The following RSAD2 variants were observed in gnomAD, a reference collection of about 807,000 sequenced individuals.
The protein encoded by RSAD2 is S-adenosylmethionine-dependent nucleotide dehydratase RSAD2.
RSAD2 carries 38 observed loss-of-function variants against 37.7 expected under a neutral mutation model. The ratio of observed to expected loss-of-function variants is 1.01; its 90% CI spans 0.78 to 1.32. The LOEUF is 1.32. Ranked by LOEUF, RSAD2 falls within the 40% of genes most tolerant of loss-of-function variation. RSAD2 has a pLI of 0.00. For synonymous variants in RSAD2, 163 were observed against 157.4 expected, an observed-to-expected ratio of 1.04 and a Z score of -0.27; for missense variants, 428 against 437.5, an observed-to-expected ratio of 0.98 and a Z score of 0.19.
intron 1 of RSAD2, among the ~76,000 whole-genome samples, chr2:6,869,604 T>C (rs1663169192): frequency 6.6e-6 from 1 of 152,124 alleles, no homozygotes; most frequent in African/African-American, 2.4e-5. Context: ...TTTCTACAAA[T>C]TAATGATAAA....
chr2:6,877,096 C>A (rs1250241303), upstream of RSAD2: 1 of 152,218 alleles, frequency 6.6e-6, no homozygotes, highest in Non-Finnish European at 1.5e-5. Flanking sequence ...CAGTAATTCT[C>A]ACCAATTAGG....
intron 1 of RSAD2, among the ~76,000 whole-genome samples, chr2:6,869,035 G>C (rs1340743959): frequency 1.3e-5 from 2 of 152,160 alleles, no homozygotes; most frequent in African/African-American, 2.4e-5. Context: ...CTGGGCACAT[G>C]GCAGGATGTG....
intron 1 of RSAD2, chr2:6,879,005 C>T (rs547425412): frequency 3.8e-5 from 18 of 479,894 alleles, no homozygotes; most frequent in Middle Eastern, 3.2e-4. Context: ...GCATCACCAG[C>T]GCCAGAAGTG....
chr2:6,877,178 A>C (rs1241714565), upstream of RSAD2: 1 of 152,244 alleles, frequency 6.6e-6, no homozygotes, highest in African/African-American at 2.4e-5. Flanking sequence ...AAATATAGGA[A>C]GATGTAAATA....
rs543158420 is a variant in RSAD2 at position 6,870,496 on chromosome 2, C to A, written c.142+4451C>A. On this transcript the variant is annotated intron_variant, in intron 1 of 5. Coordinates refer to the RSAD2 transcript ENST00000442639. ...TCTGGTAAGTCTTCCCGAATTCATA[C>A]CTTCCATGCTTTGGATGAGGTCTCA... 3.9e-5 allele frequency among the ~76,000 whole-genome samples: 6 copies of A among 152,332 alleles called. No individual in the cohort carries two copies. In the South Asian group the frequency reaches 1.2e-3, roughly 32 times the overall value.
chr2:6,880,149 A>G (rs1422345477), intron 1 of RSAD2, among the ~76,000 whole-genome samples: 3 of 152,332 alleles, frequency 2.0e-5, no homozygotes, highest in South Asian at 2.1e-4. Flanking sequence ...ATGATAGTGT[A>G]GGTTGTATTT....
At chr2:6,895,079 C>T (rs553429819) in intron 5 of RSAD2, among the ~76,000 whole-genome samples, 8 of 152,160 alleles carry the variant, frequency 5.3e-5, no homozygotes, top group African/African-American at 1.4e-4. Flanking sequence ...CAGTGTAGGT[C>T]GTAAGGAGTG....
intron 3 of RSAD2, among the ~76,000 whole-genome samples, chr2:6,888,986 C>A (rs1023062966): frequency 4.6e-5 from 7 of 152,224 alleles, no homozygotes; most frequent in Non-Finnish European, 1.0e-4. Flanking sequence ...GCTCCAGCAG[C>A]ATGGGAGGAG....
chr2:6,890,495 C>T (rs1232079172), intron 4 of RSAD2, among the ~76,000 whole-genome samples, 170 bp downstream of exon 4: 1 of 152,158 alleles, frequency 6.6e-6, no homozygotes, highest in Non-Finnish European at 1.5e-5. Flanking sequence ...GCCATTGACT[C>T]TGCCACCTCC....
chr2:6,865,898 C>A (rs1284450780), exon 1 of RSAD2: 4 of 1,411,604 alleles, frequency 2.8e-6, no homozygotes, highest in Non-Finnish European at 3.7e-6. Context: ...TCCTCCTCGC[C>A]GCGAGATGTG....
rs1485149313 is a variant in RSAD2, at chr2:6,893,658, T to G, written c.889-13T>G. ...CACCTGAAACTAAATTTGTATTAAC[T>G]TCTCCTTTGCAGATGAAAGACTCCT... On this transcript the variant is annotated splice_polypyrimidine_tract_variant and intron_variant, in intron 4 of 5. Transcript: ENST00000382040. 1 of 1,604,032 alleles carries G rather than the reference T, an allele frequency of 6.2e-7. No homozygotes were observed. Among genetic ancestry groups the G allele is most frequent in the African/African-American group, 1.3e-5 (1 of 74,738 alleles).
chr2:6,883,302 A>G, intron 1 of RSAD2, 69 bp from the exon 2 acceptor site: 1 of 1,500,928 alleles, frequency 6.7e-7, no homozygotes, highest in Non-Finnish European at 9.1e-7. Flanking sequence ...TTGAGAAAAT[A>G]CTACTTTTGC....
Position 6,891,633 on chromosome 2 carries a change from T to G in RSAD2, c.888+1308T>G, listed in dbSNP as rs1457273111. Among the ~76,000 whole-genome samples, 11 of 151,896 alleles carry G rather than the reference T, an allele frequency of 7.2e-5. No individual in the cohort carries two copies. The East Asian group carries it at 1.2e-3, about 16-fold the overall frequency. On this transcript the variant is annotated intron_variant, in intron 4 of 5. Transcript: ENST00000382040. ...ATACAAAAAATTAGCCGGGCGTGGTTGCGGGCGCCTGTAGTCCCAGCTACT... is the reference window on the plus strand; with the variant it reads ...ATACAAAAAATTAGCCGGGCGTGGTGGCGGGCGCCTGTAGTCCCAGCTACT...
upstream of RSAD2, among the ~76,000 whole-genome samples, chr2:6,872,978 C>T (rs759656720): frequency 1.3e-5 from 2 of 152,168 alleles, no homozygotes; most frequent in Non-Finnish European, 2.9e-5. Flanking sequence ...CATATTTCCT[C>T]CTGAGATCTA....
At chr2:6,878,452 T>A (rs1425248175) in intron 1 of RSAD2, among the ~76,000 whole-genome samples, 1 of 152,166 alleles carries the variant, frequency 6.6e-6, no homozygotes, top group African/African-American at 2.4e-5. Context: ...TTACACTTGG[T>A]GTTTGGAAAG....
chr2:6,884,589 A>G (rs1448882), intron 2 of RSAD2, among the ~76,000 whole-genome samples: 141,594 of 152,250 alleles, frequency 0.93, 66,227 homozygotes, highest in East Asian at 0.98. Flanking sequence ...GGATGTCCTC[A>G]TGGTGTGCAG....
chr2:6,877,684 C>T (rs1450964789), upstream of RSAD2: 4 of 742,808 alleles, frequency 5.4e-6, no homozygotes, highest in Non-Finnish European at 8.6e-6. Context: ...GAGTGTTAGT[C>T]AAAGAAGGTG....
rs764457341 is a variant in RSAD2, at chr2:6,890,228, G to C, written c.791G>C (p.Arg264Thr). ...EGENCGEDAL[R>T]EAERFVIGDE... is the part of the protein sequence containing the mutation. ...GAGAATTGTGGAGAAGATGCTCTAAGAGAAGCAGAAAGATTTGTTATTGGT... is the reference window on the plus strand; with the variant it reads ...GAGAATTGTGGAGAAGATGCTCTAACAGAAGCAGAAAGATTTGTTATTGGT... Residue 264 changes from arginine (R) to threonine (T), a missense_variant, in exon 4 of 6, where the codon AGA becomes ACA. By Grantham distance (71) the Arg-to-Thr change is moderately conservative. Transcript: ENST00000382040. 2.0e-5 allele frequency: 33 copies of C among 1,614,054 alleles called. No homozygotes were observed. The highest frequency in any genetic ancestry group is 2.8e-5 in the Non-Finnish European group (33 of 1,179,998).
At chr2:6,893,091 T>C (rs1663663824) in intron 4 of RSAD2, among the ~76,000 whole-genome samples, 1 of 152,202 alleles carries the variant, frequency 6.6e-6, no homozygotes, top group Admixed American at 6.5e-5. Flanking sequence ...TATCTGGCCC[T>C]TTACAGAAAA....
Sources: gnomAD v4.1 joint callset for allele counts (sites outside exome capture counted in the v4.1 genomes callset) on GRCh38, gnomAD v4.1.1 for gene constraint, MANE v1.5 for transcripts, NCBI Gene and HGNC (gene_info 2026-07-23, HGNC 2026-07-21) for gene names.